HOOK3: variants seen among roughly 807,000 people sequenced by gnomAD.
The protein encoded by HOOK3 is protein Hook homolog 3.
A neutral mutation model predicts 116.3 loss-of-function variants in HOOK3; 24 were observed. The ratio of observed to expected loss-of-function variants is 0.21; its 90% confidence interval spans 0.15 to 0.29. The LOEUF is 0.29. Among genes scored for constraint, HOOK3 ranks in the 10% least tolerant of loss-of-function variants. The pLI is 1.00. For missense variants in HOOK3, 632 were observed against 830.2 expected (o/e 0.76, Z 2.93); for synonymous variants, 275 against 283.0 (o/e 0.97, Z 0.28).
intron 15 of HOOK3, among the ~76,000 whole-genome samples, chr8:42,989,795 A>AT (rs1413548956): frequency 6.6e-6 from 1 of 151,946 alleles, no homozygotes; most frequent in African/African-American, 2.4e-5. Context: ...CATGAGTTTA[A>AT]TTTTTTTAAT....
Position 42,986,800 on chromosome 8 carries a change from A to C in HOOK3, c.1532+5A>C. 6.2e-7 allele frequency: 1 copy of C among 1,613,002 alleles called. No individual in the cohort carries two copies. Among genetic ancestry groups the C allele is most frequent in the South Asian group, 1.1e-5 (1 of 90,854 alleles). ...TGAACTGGAGACAGAGAATAGGTAG[A>C]GTATTATAGGTGGCCGCATCTGGCT... On this transcript the variant is annotated splice_donor_5th_base_variant and intron_variant, in intron 15 of 21. Transcript: ENST00000307602.
At chr8:42,897,264 G>T (rs991467644) in intron 1 of HOOK3, 76 bp downstream of exon 1, 2 of 1,058,082 alleles carry the variant, frequency 1.9e-6, no homozygotes, top group African/African-American at 1.6e-5. Context: ...CGCGGCCCGT[G>T]GGGCGAGCGC....
At chr8:42,982,116 G>A (rs1359458151) in intron 13 of HOOK3, among the ~76,000 whole-genome samples, 7 of 150,850 alleles carry the variant, frequency 4.6e-5, no homozygotes, top group South Asian at 2.1e-4. Flanking sequence ...TTAGCTGGGC[G>A]TGGTGGCGGG....
chr8:42,957,206 G>A (rs1349312011), intron 7 of HOOK3, 50 bp downstream of exon 7: 4 of 1,127,150 alleles, frequency 3.5e-6, no homozygotes, highest in Non-Finnish European at 5.2e-6. Flanking sequence ...AAAAGGATAA[G>A]CATCAGATGT....
chr8:42,985,709 C>A (rs1168996221), intron 14 of HOOK3, among the ~76,000 whole-genome samples: 1 of 151,270 alleles, frequency 6.6e-6, no homozygotes, highest in African/African-American at 2.4e-5. Flanking sequence ...CGTACCACTG[C>A]ACTTCAGCCT....
At chr8:42,931,403 C>T (rs1265869292) in intron 4 of HOOK3, among the ~76,000 whole-genome samples, 1 of 151,428 alleles carries the variant, frequency 6.6e-6, no homozygotes, top group Non-Finnish European at 1.5e-5. Context: ...GGTTGTCTCA[C>T]CCCATTATAT....
At chr8:42,951,860 G>C (rs1808350391) in intron 6 of HOOK3, among the ~76,000 whole-genome samples, 1 of 151,924 alleles carries the variant, frequency 6.6e-6, no homozygotes. Context: ...AAAATTGCTT[G>C]AACTTAGGAG....
chr8:43,008,088 G>A (rs1489430567), intron 18 of HOOK3, among the ~76,000 whole-genome samples, 159 bp downstream of exon 18: 2 of 151,878 alleles, frequency 1.3e-5, no homozygotes, highest in African/African-American at 2.4e-5. Flanking sequence ...GTGCGATTTT[G>A]GCTCACTGCA....
intron 4 of HOOK3, among the ~76,000 whole-genome samples, chr8:42,930,514 C>T (rs570144430): frequency 6.6e-6 from 1 of 152,180 alleles, no homozygotes; most frequent in East Asian, 1.9e-4. Context: ...TTGGCAAACC[C>T]CCCACCCCTA....
At chr8:42,980,109 C>A (rs1384616329) in intron 13 of HOOK3, among the ~76,000 whole-genome samples, 1 of 151,852 alleles carries the variant, frequency 6.6e-6, no homozygotes. Context: ...ATTACAGGCG[C>A]CTGCCACCAT....
rs35656895 is a variant in HOOK3 at position 43,022,085 on chromosome 8, TAAA to T, written c.*3605_*3607del. ...TGTTTAAAAACAAAACAGGCTGTTG[TAAA>T]AAAAAAAAAAAAAAAAACTTCTGAA... is the stretch of plus-strand genomic sequence containing the variant. On this transcript the variant is annotated 3_prime_UTR_variant, in exon 22 of 22. Transcript: ENST00000307602. 114 of 144,950 alleles carry T rather than the reference TAAA, an allele frequency of 7.9e-4. No individual in the cohort carries two copies. Among genetic ancestry groups the T allele is most frequent in the Middle Eastern group, 2.5e-3 (1 of 398 alleles). 9.0% of individuals were successfully genotyped at this position (144,950 alleles called of 1,614,324 possible).
chr8:42,897,663 A>AGGGGCGGACGCCTGTCAGAGGCGT (rs1257336453), intron 1 of HOOK3, among the ~76,000 whole-genome samples: 2 of 151,892 alleles, frequency 1.3e-5, no homozygotes, highest in Admixed American at 1.3e-4. Flanking sequence ...GGAGTGCGCG[A>AGGGGCGGACGCCTGTCAGAGGCGT]GGGGCGGACG....
At chr8:42,917,453 C>T (rs1389062533) in intron 2 of HOOK3, among the ~76,000 whole-genome samples, 1 of 152,164 alleles carries the variant, frequency 6.6e-6, no homozygotes. Flanking sequence ...GACCAGCCCC[C>T]ATCCTAAAGC....
intron 2 of HOOK3, among the ~76,000 whole-genome samples, chr8:42,921,164 T>A (rs908962318): frequency 5.8e-4 from 88 of 151,970 alleles, no homozygotes; most frequent in Non-Finnish European, 1.0e-3. Flanking sequence ...TTTTAAAGTT[T>A]TTTTTTTTTT....
chr8:42,951,519 A>G (rs1808345125), intron 6 of HOOK3, among the ~76,000 whole-genome samples: 1 of 152,206 alleles, frequency 6.6e-6, no homozygotes, highest in African/African-American at 2.4e-5. Context: ...AAGTAAAAGT[A>G]AAACAGAGAC....
At chr8:42,907,575 C>T (rs765261422) in intron 2 of HOOK3, among the ~76,000 whole-genome samples, 1 of 152,040 alleles carries the variant, frequency 6.6e-6, no homozygotes, top group Non-Finnish European at 1.5e-5. Flanking sequence ...GAACGTTTCA[C>T]TCTAGAAGTT....
intron 15 of HOOK3, among the ~76,000 whole-genome samples, chr8:42,994,903 T>C (rs1053263950): frequency 6.6e-5 from 10 of 152,366 alleles, no homozygotes; most frequent in Admixed American, 5.2e-4. Context: ...GCTTACAGTA[T>C]TGTTTGATGA....
intron 15 of HOOK3, among the ~76,000 whole-genome samples, chr8:42,988,928 AC>A (rs1724894869): frequency 6.6e-6 from 1 of 152,184 alleles, no homozygotes; most frequent in African/African-American, 2.4e-5. Context: ...TATTTATATT[AC>A]CTTGACTCTA....
intron 2 of HOOK3, among the ~76,000 whole-genome samples, chr8:42,923,169 A>G (rs973418506): frequency 1.9e-4 from 29 of 152,242 alleles, no homozygotes; most frequent in Admixed American, 1.4e-3. Context: ...ACACCACTTC[A>G]CAACCACTAG....
Sources: allele counts gnomAD v4.1 joint callset (sites outside exome capture counted in the v4.1 genomes callset), GRCh38; gene constraint gnomAD v4.1.1; transcripts MANE v1.5; gene names NCBI Gene and HGNC (gene_info 2026-07-23, HGNC 2026-07-21).